Variants in EPB41L4B observed in about 807,000 individuals in gnomAD.
EPB41L4B encodes erythrocyte membrane protein band 4.1 like 4B.
In EPB41L4B, 30 loss-of-function variants were observed where a neutral mutation model predicts 112.5. The ratio of observed to expected loss-of-function variants is 0.27; its 90% CI spans 0.20 to 0.36. The LOEUF is 0.36. Among genes scored for constraint, EPB41L4B ranks in the 10% least tolerant of loss-of-function variants. The pLI, the probability that EPB41L4B is intolerant of heterozygous loss-of-function variation, is 1.00. For synonymous variants in EPB41L4B, 408 were observed against 439.7 expected (o/e 0.93, Z 0.90); for missense variants, 1,024 against 1,133.3 (o/e 0.90, Z 1.38).
At chr9:109,269,957 T>C (rs1481738765) in intron 2 of EPB41L4B, among the ~76,000 whole-genome samples, 23 of 152,144 alleles carry the variant, frequency 1.5e-4, no homozygotes, top group Admixed American at 1.5e-3. Context: ...TACAATAAGC[T>C]GGGGGCAGTG....
chr9:109,226,009 T>C lies in EPB41L4B; in HGVS notation c.1410-8864A>G, dbSNP rs114820939. Among the ~76,000 whole-genome samples the C allele has an allele frequency of 6.3e-3, 958 of 152,358 alleles. 16 individuals carry two copies. Among genetic ancestry groups the C allele is most frequent in the African/African-American group, 0.022 (920 of 41,582 alleles). ...ATTGTGAAGTAAAGTCCTAACTTTT[T>C]CTGAAATGGAGAGCCAATTGTTCTA... On this transcript the variant is annotated intron_variant, in intron 15 of 25. Transcript: ENST00000374566.
At chr9:109,190,150 G>C (rs938543894) in intron 22 of EPB41L4B, among the ~76,000 whole-genome samples, 6 of 152,178 alleles carry the variant, frequency 3.9e-5, no homozygotes, top group Admixed American at 3.3e-4. Flanking sequence ...CTGAATGAAG[G>C]CAAGATCTCC....
Position 109,256,873 on chromosome 9 carries a change from C to T in EPB41L4B, c.753-393G>A, listed in dbSNP as rs544391392. On this transcript the variant is annotated intron_variant, in intron 7 of 25. Coordinates refer to ENST00000374566, the MANE Select transcript of EPB41L4B (RefSeq NM_019114.5). The stretch of plus-strand genomic sequence containing the variant: ...AGGAGAATCACTTAAACCTGGGAGG[C>T]GGAGGTTGCAGTGAGCCAAGATCCA... Among the ~76,000 whole-genome samples, 789 of 152,282 alleles carry T rather than the reference C, an allele frequency of 5.2e-3. 4 individuals are homozygous for T. Among genetic ancestry groups the T allele is most frequent in the African/African-American group, 0.018 (732 of 41,546 alleles).
At chr9:109,223,445 A>C (rs2118869032) in intron 15 of EPB41L4B, among the ~76,000 whole-genome samples, 1 of 151,864 alleles carries the variant, frequency 6.6e-6, no homozygotes, top group East Asian at 1.9e-4. Context: ...AAAAAAAAAA[A>C]AAAAAAATTG....
intron 20 of EPB41L4B, among the ~76,000 whole-genome samples, chr9:109,199,891 C>T (rs551143586): frequency 2.6e-4 from 40 of 152,210 alleles, no homozygotes; most frequent in Non-Finnish European, 5.3e-4. Flanking sequence ...GAGACCGCAG[C>T]CCTGACACCT....
intron 15 of EPB41L4B, among the ~76,000 whole-genome samples, chr9:109,228,391 T>C (rs1373999845): frequency 6.6e-6 from 1 of 152,224 alleles, no homozygotes; most frequent in Non-Finnish European, 1.5e-5. Context: ...AAAAAAACTG[T>C]CCATCTACTT....
At position 109,320,713 on chromosome 9, in the gene EPB41L4B, G is replaced by T. The variant is rs1262436500; in HGVS notation, c.-267C>A. ...TCGGGGCCGTCCCGCCGCCGCCGCC[G>T]CCGCGCGCTCTCCCGGGCCGGCGGC... On this transcript the variant is annotated 5_prime_UTR_variant, in exon 1 of 26. Transcript: ENST00000374566. The T allele has an allele frequency of 6.9e-6, 1 of 144,876 alleles. No individual in the cohort carries two copies. Among genetic ancestry groups the T allele is most frequent in the Non-Finnish European group, 1.5e-5 (1 of 65,376 alleles). The allele number at this position is 144,876 out of a possible 1,614,324, so 9.0% of individuals were successfully genotyped here.
chr9:109,288,318 C>T (rs147577351), intron 1 of EPB41L4B, among the ~76,000 whole-genome samples: 2 of 152,268 alleles, frequency 1.3e-5, no homozygotes, highest in African/African-American at 2.4e-5. Context: ...CATGATGGCT[C>T]ACGTCTATAA....
intron 18 of EPB41L4B, among the ~76,000 whole-genome samples, chr9:109,204,383 A>C (rs1832928567): frequency 6.6e-6 from 1 of 152,168 alleles, no homozygotes; most frequent in Non-Finnish European, 1.5e-5. Context: ...CATATTGAGC[A>C]AAGATTTCAA....
At chr9:109,303,194 G>T (rs893921) in intron 1 of EPB41L4B, among the ~76,000 whole-genome samples, 1 of 152,022 alleles carries the variant, frequency 6.6e-6, no homozygotes, top group South Asian at 2.1e-4. Flanking sequence ...AAAAAAAGAG[G>T]CAAGAATATA....
intron 20 of EPB41L4B, among the ~76,000 whole-genome samples, chr9:109,198,959 A>T (rs912562052): frequency 6.6e-6 from 1 of 151,022 alleles, no homozygotes; most frequent in Non-Finnish European, 1.5e-5. Context: ...TACCATTGTG[A>T]TCAGTACTAC....
At chr9:109,211,758 T>C (rs1833186469) in intron 17 of EPB41L4B, among the ~76,000 whole-genome samples, 3 of 144,982 alleles carry the variant, frequency 2.1e-5, no homozygotes, top group African/African-American at 7.7e-5. Flanking sequence ...CTCTGTCACC[T>C]AGGCTGCAGT....
intron 1 of EPB41L4B, among the ~76,000 whole-genome samples, chr9:109,319,930 G>GCA (rs1837789176): frequency 6.6e-6 from 1 of 152,168 alleles, no homozygotes; most frequent in African/African-American, 2.4e-5. Flanking sequence ...ATGTGCCAAG[G>GCA]AGGGGGCACG....
chr9:109,271,327 G>A (rs1031313176), intron 2 of EPB41L4B, among the ~76,000 whole-genome samples: 3 of 152,218 alleles, frequency 2.0e-5, no homozygotes, highest in Admixed American at 6.5e-5. Flanking sequence ...TGGTGAAGCC[G>A]AGAATGGAAT....
At chr9:109,277,959 T>C (rs895926557) in intron 2 of EPB41L4B, among the ~76,000 whole-genome samples, 3 of 151,962 alleles carry the variant, frequency 2.0e-5, no homozygotes, top group African/African-American at 7.3e-5. Context: ...TCTGCTCAAA[T>C]GAAGCTTAAA....
At chr9:109,259,457 C>T (rs1210703184) in intron 6 of EPB41L4B, among the ~76,000 whole-genome samples, 1 of 152,182 alleles carries the variant, frequency 6.6e-6, no homozygotes, top group East Asian at 1.9e-4. Context: ...AGAACCTCTG[C>T]TGCACACATC....
At chr9:109,266,317 A>C (rs1464356749) in intron 4 of EPB41L4B, among the ~76,000 whole-genome samples, 1 of 152,076 alleles carries the variant, frequency 6.6e-6, no homozygotes, top group Non-Finnish European at 1.5e-5. Flanking sequence ...TTGAGGCTGC[A>C]GTAAGCTGTG....
intron 17 of EPB41L4B, 23 bp downstream of exon 17, chr9:109,213,677 G>A: frequency 1.3e-6 from 2 of 1,597,838 alleles, no homozygotes; most frequent in Non-Finnish European, 1.7e-6. Flanking sequence ...CCATGGTCAT[G>A]GCAGAGCCCC....
At chr9:109,207,263 G>C (rs1833017608) in intron 18 of EPB41L4B, among the ~76,000 whole-genome samples, 1 of 152,228 alleles carries the variant, frequency 6.6e-6, no homozygotes, top group Admixed American at 6.6e-5. Context: ...ATGTGGTCCT[G>C]TGGGCTTGTT....
Sources: allele counts gnomAD v4.1 joint callset (sites outside exome capture counted in the v4.1 genomes callset), GRCh38; gene constraint gnomAD v4.1.1; transcripts MANE v1.5; gene names NCBI Gene and HGNC (gene_info 2026-07-23, HGNC 2026-07-21).